REEP1: variants seen among roughly 807,000 people sequenced by gnomAD.
REEP1 encodes the protein receptor accessory protein 1.
REEP1 carries 22 observed loss-of-function variants against 40.3 expected under a neutral mutation model. That is an observed-to-expected ratio of 0.55 (90% confidence interval 0.39 to 0.78). The LOEUF is 0.78. REEP1 is among the 30% of genes least tolerant of loss of function. The pLI is 0.00. For missense variants in REEP1, 280 were observed against 361.1 expected (o/e 0.78, Z 1.82); for synonymous variants, 116 against 139.2 (o/e 0.83, Z 1.17).
chr2:86,337,430 G>A lies in REEP1; in HGVS notation c.32+49C>T. The A allele has an allele frequency of 8.4e-7, 1 of 1,196,282 alleles. No homozygotes were observed. The highest frequency in any genetic ancestry group is 1.0e-6 in the Non-Finnish European group (1 of 953,360). The allele number at this position is 1,196,282 out of a possible 1,614,324, so 74.1% of individuals were successfully genotyped here. A position where few individuals can be genotyped will look rare whatever the true frequency, so the allele number is the denominator to read the frequency against. On this transcript the variant is annotated intron_variant, in intron 1 of 8. Coordinates refer to ENST00000538924, the MANE Select transcript of REEP1 (RefSeq NM_001371279.1). This position sits in a 1 kb window ranked among gnomAD's most constrained non-coding sequence, Gnocchi z 5.8. ...TAGGGGCGCGCGCAGCCCGGGGCCGGGGGCGGGGAGGGAGGGGACGGAGGG... is the reference window on the plus strand; with the variant it reads ...TAGGGGCGCGCGCAGCCCGGGGCCGAGGGCGGGGAGGGAGGGGACGGAGGG...
chr2:86,314,367 C>T (rs1276985948), intron 1 of REEP1, among the ~76,000 whole-genome samples: 1 of 152,148 alleles, frequency 6.6e-6, no homozygotes, highest in African/African-American at 2.4e-5. Flanking sequence ...TGCTGAGCCT[C>T]AGTCTCACCC....
At chr2:86,223,887 A>G (rs1674556774) in intron 7 of REEP1, 1 of 151,988 alleles carries the variant, frequency 6.6e-6, no homozygotes, top group Non-Finnish European at 1.5e-5. Flanking sequence ...TCTATATGAC[A>G]TAGAGGTAGG....
At position 86,217,021 on chromosome 2, in the gene REEP1, G is replaced by A. The variant is rs1674146570; in HGVS notation, c.*18C>T. 1.1e-5 allele frequency: 18 copies of A among 1,606,656 alleles called. No homozygotes were observed. The East Asian group carries it at 4.0e-4, about 36-fold the overall frequency. On this transcript the variant is annotated 3_prime_UTR_variant, in exon 9 of 9. Transcript: ENST00000538924. ...AGAAGAAACATTCTGTGGATCCGGT[G>A]CTGTTGGCTCATCTCACTCACGTGG...
At chr2:86,293,991 A>T (rs1678854558) in intron 1 of REEP1, among the ~76,000 whole-genome samples, 2 of 152,228 alleles carry the variant, frequency 1.3e-5, no homozygotes, top group African/African-American at 4.8e-5. Flanking sequence ...ATGAACTATG[A>T]GTATATTATG....
chr2:86,226,583 C>T (rs1573995604), intron 7 of REEP1, among the ~76,000 whole-genome samples: 1 of 151,280 alleles, frequency 6.6e-6, no homozygotes, highest in East Asian at 1.9e-4. Flanking sequence ...ATTCTCCTGC[C>T]TCAGCCTCTC....
intron 2 of REEP1, among the ~76,000 whole-genome samples, chr2:86,279,810 A>G (rs1032332979): frequency 6.6e-6 from 1 of 152,194 alleles, no homozygotes; most frequent in South Asian, 2.1e-4. Flanking sequence ...CACTAAACGG[A>G]GCACAGCCCT....
rs144202611 is a variant in REEP1, at chr2:86,215,359, A to T, written c.*1680T>A. On this transcript the variant is annotated 3_prime_UTR_variant, in exon 9 of 9. Coordinates refer to ENST00000538924, the MANE Select transcript of REEP1 (RefSeq NM_001371279.1). ...TCTGGCAACAATCAGCTTCAAATCA[A>T]ACCCTTTCTGGGGTGGCTAAGATCC... 4 of 152,368 alleles carry T rather than the reference A, an allele frequency of 2.6e-5. No homozygotes were observed. In the East Asian group the frequency reaches 5.8e-4, roughly 22 times the overall value. 9.4% of individuals were successfully genotyped at this position (152,368 alleles called of 1,614,324 possible).
rs2103926249 is a variant in REEP1, at chr2:86,214,394, A to ATCC, written c.*2644_*2645insGGA. On this transcript the variant is annotated 3_prime_UTR_variant, in exon 9 of 9. Coordinates refer to ENST00000538924, the MANE Select transcript of REEP1 (RefSeq NM_001371279.1). ...AGCTATTCACACAAAGCCAGGAGGG[A>ATCC]TTATGACTAAACTCTCCAGTTTATA... The ATCC allele has an allele frequency of 6.5e-6, 1 of 152,790 alleles. No homozygotes were observed. Among genetic ancestry groups the ATCC allele is most frequent in the African/African-American group, 2.4e-5 (1 of 41,580 alleles). 9.5% of individuals were successfully genotyped at this position (152,790 alleles called of 1,614,324 possible).
At chr2:86,218,344 A>T (rs1041520802) in intron 8 of REEP1, among the ~76,000 whole-genome samples, 1 of 152,176 alleles carries the variant, frequency 6.6e-6, no homozygotes, top group African/African-American at 2.4e-5. Context: ...GGGCAGGCCC[A>T]TGTCGCATTC....
At chr2:86,306,437 A>C (rs1400559857) in intron 1 of REEP1, among the ~76,000 whole-genome samples, 1 of 152,228 alleles carries the variant, frequency 6.6e-6, no homozygotes, top group African/African-American at 2.4e-5. Flanking sequence ...TTCTTGAAAA[A>C]GTATGATAAT....
At chr2:86,308,745 C>A (rs1679619832) in intron 1 of REEP1, among the ~76,000 whole-genome samples, 1 of 152,202 alleles carries the variant, frequency 6.6e-6, no homozygotes, top group African/African-American at 2.4e-5. Flanking sequence ...CTGTTCCTCA[C>A]TTGTAAAGTG....
chr2:86,334,789 G>C (rs1378499062), intron 1 of REEP1, among the ~76,000 whole-genome samples: 1 of 152,174 alleles, frequency 6.6e-6, no homozygotes, highest in African/African-American at 2.4e-5. Context: ...AATTAAGTCT[G>C]AGAGCCCCTC....
intron 5 of REEP1, among the ~76,000 whole-genome samples, chr2:86,243,516 G>T (rs1412198096): frequency 2.0e-5 from 3 of 152,172 alleles, no homozygotes; most frequent in Non-Finnish European, 2.9e-5. Flanking sequence ...TGTGATGTGG[G>T]TGTTTCATTC....
At chr2:86,272,742 C>CA (rs1677526036) in intron 2 of REEP1, among the ~76,000 whole-genome samples, 1 of 152,206 alleles carries the variant, frequency 6.6e-6, no homozygotes, top group Non-Finnish European at 1.5e-5. Flanking sequence ...AGAACACCAC[C>CA]ATCTCCTGTT....
chr2:86,283,976 G>A (rs184951276), intron 1 of REEP1, among the ~76,000 whole-genome samples: 15 of 152,272 alleles, frequency 9.9e-5, no homozygotes, highest in Non-Finnish European at 1.9e-4. Flanking sequence ...TGAGCCACTG[G>A]GGGGATGAGA....
At chr2:86,313,262 C>T (rs779343053) in intron 1 of REEP1, among the ~76,000 whole-genome samples, 5 of 151,460 alleles carry the variant, frequency 3.3e-5, no homozygotes, top group Admixed American at 1.3e-4. Context: ...GGACTACAGG[C>T]ATGTACCACC....
intron 1 of REEP1, among the ~76,000 whole-genome samples, chr2:86,309,584 C>T (rs10165626): frequency 0.42 from 64,388 of 152,016 alleles, 14,066 homozygotes; most frequent in East Asian, 0.58. Context: ...TTTCCCACAG[C>T]ACTGGAAGCT....
chr2:86,216,849 C>A lies in REEP1; in HGVS notation c.*190G>T. ...CCTACTACCTTTCCCTTTAGCCTCT[C>A]CCCAGCAAAATAAAGAAAAGGGGGA... On this transcript the variant is annotated 3_prime_UTR_variant, in exon 9 of 9. Coordinates refer to ENST00000538924, the MANE Select transcript of REEP1 (RefSeq NM_001371279.1). The A allele has an allele frequency of 5.5e-6, 3 of 548,756 alleles. No individual in the cohort carries two copies. Among genetic ancestry groups the A allele is most frequent in the East Asian group, 3.2e-5 (1 of 31,376 alleles). The allele number at this position is 548,756 out of a possible 1,614,324, so 34.0% of individuals were successfully genotyped here.
intron 1 of REEP1, among the ~76,000 whole-genome samples, chr2:86,318,042 C>T (rs772327894): frequency 6.6e-6 from 1 of 152,196 alleles, no homozygotes; most frequent in Non-Finnish European, 1.5e-5. Flanking sequence ...GAATTTTGGA[C>T]ATTTTTATCC....
Sources: gnomAD v4.1 joint callset for allele counts (sites outside exome capture counted in the v4.1 genomes callset) on GRCh38, gnomAD v4.1.1 for gene constraint, Gnocchi (gnomAD v3.1) non-coding constraint, MANE v1.5 for transcripts, NCBI Gene and HGNC (gene_info 2026-07-23, HGNC 2026-07-21) for gene names.